The following COBL variants were observed in gnomAD, a reference collection of about 807,000 sequenced individuals.
COBL encodes the protein cordon-bleu WH2 repeat protein, also known as protein cordon-bleu.
In COBL, 51 loss-of-function variants were observed where a neutral mutation model predicts 98.8. That is an observed-to-expected ratio of 0.52 (90% CI 0.41 to 0.65). The LOEUF (loss-of-function observed/expected upper bound fraction) is 0.65, where lower values mean the gene tolerates loss of function less well. Ranked by LOEUF, COBL falls within the 30% of genes least tolerant of loss-of-function variation. The probability of loss-of-function intolerance (pLI) is 0.00; values close to 1 mark genes in which losing one functional copy is unlikely to be tolerated. For missense variants in COBL, 1,617 were observed against 1,617.5 expected, an observed-to-expected ratio of 1.00 and a Z score of 0.01; for synonymous variants, 634 against 651.7, an observed-to-expected ratio of 0.97 and a Z score of 0.41.
At chr7:51,296,188 G>GGA (rs1420540003) in intron 1 of COBL, among the ~76,000 whole-genome samples, 1 of 152,004 alleles carries the variant, frequency 6.6e-6, no homozygotes, top group Non-Finnish European at 1.5e-5. Flanking sequence ...GTCAGAGCAG[G>GGA]GACACCCATG....
At chr7:51,113,385 T>C (rs1326608161) in intron 6 of COBL, among the ~76,000 whole-genome samples, 1 of 152,236 alleles carries the variant, frequency 6.6e-6, no homozygotes. Context: ...GGCTATTGTT[T>C]ATAAAGTGTC....
At chr7:51,312,049 G>A (rs1333569289) in intron 1 of COBL, among the ~76,000 whole-genome samples, 1 of 152,006 alleles carries the variant, frequency 6.6e-6, no homozygotes, top group East Asian at 1.9e-4. Context: ...CTCAGCCGGG[G>A]GCAGTGGCTC....
At chr7:51,020,415 AG>A (rs1215042367) in intron 12 of COBL, among the ~76,000 whole-genome samples, 1 of 152,190 alleles carries the variant, frequency 6.6e-6, no homozygotes, top group Non-Finnish European at 1.5e-5. Flanking sequence ...GCACAGATGA[AG>A]CTTCTTTCGT....
intron 6 of COBL, among the ~76,000 whole-genome samples, chr7:51,135,431 C>G (rs1387735526): frequency 6.6e-6 from 1 of 152,038 alleles, no homozygotes; most frequent in African/African-American, 2.4e-5. Context: ...GATGGATGAC[C>G]AGAGGACCGA....
At chr7:51,094,076 G>A (rs989941863) in intron 6 of COBL, among the ~76,000 whole-genome samples, 2 of 151,768 alleles carry the variant, frequency 1.3e-5, no homozygotes, top group African/African-American at 4.8e-5. Context: ...TGTGATTTGT[G>A]ACATCATGGG....
chr7:51,148,510 G>A (rs1176621326), intron 5 of COBL, among the ~76,000 whole-genome samples: 6 of 152,166 alleles, frequency 3.9e-5, no homozygotes, highest in African/African-American at 9.7e-5. Context: ...CCAAGGCCTT[G>A]GCCCATGGAT....
At chr7:51,100,638 C>T (rs374038280) in intron 6 of COBL, among the ~76,000 whole-genome samples, 9 of 152,214 alleles carry the variant, frequency 5.9e-5, no homozygotes, top group African/African-American at 1.9e-4. Context: ...CAGTGGCTCA[C>T]GCCAGTAATC....
At chr7:51,110,000 A>C (rs962016240) in intron 6 of COBL, among the ~76,000 whole-genome samples, 3 of 152,184 alleles carry the variant, frequency 2.0e-5, no homozygotes, top group Non-Finnish European at 4.4e-5. Flanking sequence ...ATACATAATA[A>C]TTGTACATAT....
intron 2 of COBL, among the ~76,000 whole-genome samples, chr7:51,203,476 A>AG (rs1360617517): frequency 1.3e-5 from 2 of 150,364 alleles, no homozygotes; most frequent in Non-Finnish European, 3.0e-5. Flanking sequence ...AAAAAAAAAA[A>AG]AAAAAAAAAC....
intron 2 of COBL, among the ~76,000 whole-genome samples, chr7:51,203,289 C>A: frequency 8.5e-6 from 1 of 117,092 alleles, no homozygotes; most frequent in Admixed American, 8.0e-5. Flanking sequence ...GGTGAAACCC[C>A]GTCTCTACTA....
intron 5 of COBL, among the ~76,000 whole-genome samples, chr7:51,176,435 T>C (rs1211663419): frequency 2.0e-5 from 3 of 151,998 alleles, no homozygotes. Flanking sequence ...CACACATATA[T>C]GCACCCATAT....
intron 5 of COBL, among the ~76,000 whole-genome samples, chr7:51,169,264 C>T (rs1179897689): frequency 6.6e-6 from 1 of 152,010 alleles, no homozygotes; most frequent in East Asian, 1.9e-4. Flanking sequence ...CCCCCAACAC[C>T]CTGGTTTGAG....
intron 1 of COBL, among the ~76,000 whole-genome samples, chr7:51,264,933 G>A (rs1171205593): frequency 6.6e-6 from 1 of 152,102 alleles, no homozygotes; most frequent in African/African-American, 2.4e-5. Context: ...TAAACTGTGG[G>A]ATGGAAGAGG....
At chr7:51,043,730 A>C (rs1588307110) in intron 7 of COBL, 38 bp from the exon 8 acceptor site, 3 of 1,567,286 alleles carry the variant, frequency 1.9e-6, no homozygotes, top group Non-Finnish European at 2.6e-6. Flanking sequence ...AGCCCAAACC[A>C]CTCTGGCGTC....
chr7:51,142,603 C>T (rs953646176), intron 5 of COBL, among the ~76,000 whole-genome samples: 4 of 151,990 alleles, frequency 2.6e-5, no homozygotes, highest in Non-Finnish European at 4.4e-5. Context: ...AGGCTGGTCT[C>T]GAACTGCTGA....
intron 12 of COBL, chr7:51,018,271 A>ATGGTGGTGGTGG (rs1786500023): frequency 1.9e-5 from 1 of 52,570 alleles, no homozygotes. Flanking sequence ...GGTGGTGGTG[A>ATGGTGGTGGTGG]TGGTGATGGT....
rs1799795120 is a variant in COBL, at chr7:51,281,282, A to ATGG, written c.41+35310_41+35311insCCA. On this transcript the variant is annotated intron_variant, in intron 1 of 12. Transcript: ENST00000265136. ...AAGAGGAAGGACTGTAAAAATGAAC[A>ATGG]GGCATAGGGACCTATGGGGCAATAC... is the stretch of plus-strand genomic sequence containing the variant. Among the ~76,000 whole-genome samples, 16 of 152,228 alleles carry ATGG rather than the reference A, an allele frequency of 1.1e-4. 1 individual carries two copies. The highest frequency in any genetic ancestry group is 7.9e-4 in the Admixed American group (12 of 15,284).
intron 6 of COBL, among the ~76,000 whole-genome samples, chr7:51,127,088 A>G (rs913263249): frequency 6.6e-6 from 1 of 152,140 alleles, no homozygotes; most frequent in East Asian, 1.9e-4. Context: ...CTGTGTGCTC[A>G]AGGCCGTGGG....
At chr7:51,145,373 TTTC>T (rs1178315098) in intron 5 of COBL, among the ~76,000 whole-genome samples, 2 of 137,258 alleles carry the variant, frequency 1.5e-5, no homozygotes, top group East Asian at 4.5e-4. Context: ...TGTTATTCCT[TTTC>T]TTTTTTTTTT....
Sources: gnomAD v4.1 joint callset for allele counts (sites outside exome capture counted in the v4.1 genomes callset) on GRCh38, gnomAD v4.1.1 for gene constraint, MANE v1.5 for transcripts, NCBI Gene and HGNC (gene_info 2026-07-23, HGNC 2026-07-21) for gene names.